GALNT2: variants seen among roughly 807,000 people sequenced by gnomAD.
GALNT2 encodes UDP-GalNAc:polypeptide N-acetylgalactosaminyltransferase 2.
A neutral mutation model predicts 81.4 loss-of-function variants in GALNT2; 31 were observed. The observed-to-expected ratio is 0.38, with a 90% CI of 0.29 to 0.51. The LOEUF is 0.51. GALNT2 is among the 20% of genes least tolerant of loss of function. The pLI, the probability that GALNT2 is intolerant of heterozygous loss-of-function variation, is 0.87. For missense variants in GALNT2, 629 were observed against 765.7 expected, an observed-to-expected ratio of 0.82 and a Z score of 2.11; for synonymous variants, 303 against 287.4, an observed-to-expected ratio of 1.05 and a Z score of -0.55.
chr1:230,150,462 C>A (rs1250231489), intron 1 of GALNT2, among the ~76,000 whole-genome samples: 1 of 152,214 alleles, frequency 6.6e-6, no homozygotes, highest in Non-Finnish European at 1.5e-5. Flanking sequence ...TACAACAACT[C>A]CTTCCACTTC....
intron 1 of GALNT2, among the ~76,000 whole-genome samples, chr1:230,099,865 C>A (rs752542784): frequency 2.8e-4 from 42 of 152,238 alleles, no homozygotes; most frequent in African/African-American, 8.9e-4. Flanking sequence ...CCACAGCCTC[C>A]TTTCCAATTT....
chr1:230,165,809 G>A (rs1304964537), intron 1 of GALNT2, among the ~76,000 whole-genome samples: 2 of 152,382 alleles, frequency 1.3e-5, no homozygotes, highest in South Asian at 4.1e-4. Context: ...GGAGTAGCCA[G>A]AGCCCCTGGA....
At chr1:230,086,377 G>GT (rs1659899093) in intron 1 of GALNT2, among the ~76,000 whole-genome samples, 1 of 152,144 alleles carries the variant, frequency 6.6e-6, no homozygotes, top group African/African-American at 2.4e-5. Context: ...CCTTTATCTG[G>GT]TGAGGTAGGG....
At chr1:230,208,729 C>G (rs936908044) in intron 3 of GALNT2, among the ~76,000 whole-genome samples, 1 of 152,144 alleles carries the variant, frequency 6.6e-6, no homozygotes, top group African/African-American at 2.4e-5. Context: ...GCTGTGTTCC[C>G]GTGATCAGGA....
At chr1:230,179,747 T>C (rs979669037) in intron 2 of GALNT2, among the ~76,000 whole-genome samples, 1 of 152,202 alleles carries the variant, frequency 6.6e-6, no homozygotes, top group Non-Finnish European at 1.5e-5. Flanking sequence ...CTGTGGCCTG[T>C]CTTCTCATTG....
At chr1:230,229,489 C>T (rs1350922323) in intron 3 of GALNT2, among the ~76,000 whole-genome samples, 1 of 152,174 alleles carries the variant, frequency 6.6e-6, no homozygotes, top group African/African-American at 2.4e-5. Context: ...GCAGGAGTGA[C>T]ACTAGGTCCA....
intron 1 of GALNT2, among the ~76,000 whole-genome samples, chr1:230,115,548 TC>T (rs1660820191): frequency 1.3e-5 from 2 of 152,212 alleles, no homozygotes; most frequent in South Asian, 4.1e-4. Context: ...CTAAGGATCA[TC>T]TGAGTTTTTA....
intron 1 of GALNT2, among the ~76,000 whole-genome samples, chr1:230,108,897 T>C (rs1050007790): frequency 2.0e-5 from 3 of 152,022 alleles, no homozygotes; most frequent in Non-Finnish European, 4.4e-5. Flanking sequence ...TGAAGTACAG[T>C]TTCTACTGAA....
intron 1 of GALNT2, among the ~76,000 whole-genome samples, chr1:230,113,455 G>A (rs956657697): frequency 6.6e-6 from 1 of 152,148 alleles, no homozygotes; most frequent in Non-Finnish European, 1.5e-5. Flanking sequence ...TTGAGGAACA[G>A]CTGTGGTAGA....
At chr1:230,137,738 C>T (rs1661596312) in intron 1 of GALNT2, among the ~76,000 whole-genome samples, 3 of 152,170 alleles carry the variant, frequency 2.0e-5, no homozygotes, top group South Asian at 2.1e-4. Context: ...GGTTTAGCTA[C>T]ACACGTTGAA....
chr1:230,167,554 G>T (rs573581649), intron 1 of GALNT2, among the ~76,000 whole-genome samples: 2 of 152,368 alleles, frequency 1.3e-5, no homozygotes, highest in African/African-American at 4.8e-5. Flanking sequence ...ATGGGAGATG[G>T]TGGCACCTAC....
chr1:230,157,758 A>G (rs1662305741), intron 1 of GALNT2, among the ~76,000 whole-genome samples: 1 of 152,238 alleles, frequency 6.6e-6, no homozygotes, highest in Non-Finnish European at 1.5e-5. Context: ...ACTTCTATTC[A>G]TATGACATTC....
At chr1:230,076,218 T>C (rs1307689122) in intron 1 of GALNT2, among the ~76,000 whole-genome samples, 1 of 152,210 alleles carries the variant, frequency 6.6e-6, no homozygotes, top group East Asian at 1.9e-4. Flanking sequence ...ATCAGCTTCG[T>C]GGGATATGCT....
At chr1:230,135,036 A>C (rs893089343) in intron 1 of GALNT2, among the ~76,000 whole-genome samples, 2 of 152,222 alleles carry the variant, frequency 1.3e-5, no homozygotes, top group Non-Finnish European at 2.9e-5. Context: ...CATTGCCCTC[A>C]CATAATTTCA....
chr1:230,169,954 A>T (rs548223529), intron 1 of GALNT2, among the ~76,000 whole-genome samples: 1 of 152,324 alleles, frequency 6.6e-6, no homozygotes, highest in African/African-American at 2.4e-5. Context: ...AGTGGTTCTG[A>T]ACACTGAGAA....
At chr1:230,198,262 A>G (rs780569443) in intron 2 of GALNT2, among the ~76,000 whole-genome samples, 4 of 152,198 alleles carry the variant, frequency 2.6e-5, no homozygotes, top group Non-Finnish European at 5.9e-5. Flanking sequence ...GAGGAGCTCC[A>G]TCTTCACCTG....
chr1:230,158,857 G>T (rs912958236), intron 1 of GALNT2, among the ~76,000 whole-genome samples: 1 of 152,186 alleles, frequency 6.6e-6, no homozygotes, highest in Non-Finnish European at 1.5e-5. Context: ...GGCTTTGTTC[G>T]TTTGCACACG....
intron 6 of GALNT2, among the ~76,000 whole-genome samples, chr1:230,237,271 A>G (rs764249314): frequency 6.6e-6 from 1 of 152,212 alleles, no homozygotes; most frequent in Non-Finnish European, 1.5e-5. Context: ...GAGAGGCTGT[A>G]AAGGAGGAAA....
rs570894151 is a variant in GALNT2 at position 230,271,982 on chromosome 1, A to T, written c.1441-2463A>T. 3.9e-5 allele frequency among the ~76,000 whole-genome samples: 6 copies of T among 152,304 alleles called. No homozygotes were observed. The East Asian group carries it at 5.8e-4, about 15-fold the overall frequency. On this transcript the variant is annotated intron_variant, in intron 14 of 15. Transcript: ENST00000366672. The surrounding 1 kb of genome is among the most constrained non-coding windows in gnomAD (Gnocchi z 4.2). ...TCCAGGAGCCCATTAGAGTTGCTTC[A>T]TTAGAACAAGACACTCCCATCACCC...
Sources: allele counts gnomAD v4.1 joint callset (sites outside exome capture counted in the v4.1 genomes callset), GRCh38; gene constraint gnomAD v4.1.1; non-coding constraint Gnocchi (gnomAD v3.1); transcripts MANE v1.5; gene names NCBI Gene and HGNC (gene_info 2026-07-23, HGNC 2026-07-21).